Variants in TMEM143 observed in about 807,000 individuals in gnomAD.
TMEM143 encodes the protein transmembrane protein 143.
A neutral mutation model predicts 40.3 loss-of-function variants in TMEM143; 45 were observed. The ratio of observed to expected loss-of-function variants is 1.12; its 90% CI spans 0.88 to 1.43. The LOEUF (loss-of-function observed/expected upper bound fraction) is 1.43, where lower values mean the gene tolerates loss of function less well. TMEM143 is among the 40% of genes most tolerant of loss of function. TMEM143 has a pLI of 0.00. For missense variants in TMEM143, 620 were observed against 613.4 expected (o/e 1.01, Z -0.11); for synonymous variants, 299 against 282.7 (o/e 1.06, Z -0.58).
At chr19:48,343,112 T>C (rs1969542718) in intron 5 of TMEM143, 3 of 731,944 alleles carry the variant, frequency 4.1e-6, no homozygotes, top group South Asian at 3.9e-5. Flanking sequence ...TGGGGAGAAC[T>C]GTCCCCATCC....
intron 6 of TMEM143, among the ~76,000 whole-genome samples, chr19:48,339,875 T>C (rs988496358): frequency 6.6e-6 from 1 of 151,894 alleles, no homozygotes; most frequent in Admixed American, 6.6e-5. Flanking sequence ...ATTTCAGGCA[T>C]GCGCCACCAC....
At chr19:48,363,716 G>T (rs1970124776) in intron 1 of TMEM143, 182 bp downstream of exon 1, 2 of 1,351,556 alleles carry the variant, frequency 1.5e-6, no homozygotes, top group Non-Finnish European at 2.0e-6. Context: ...GTCCCAGACA[G>T]GGGTCAGAGG....
chr19:48,362,601 A>G (rs1396676958), intron 2 of TMEM143, among the ~76,000 whole-genome samples: 1 of 152,172 alleles, frequency 6.6e-6, no homozygotes, highest in African/African-American at 2.4e-5. Context: ...GATGGTGGCA[A>G]TAAGACCTCA....
At chr19:48,357,985 C>G (rs1569037244) in intron 3 of TMEM143, among the ~76,000 whole-genome samples, 1 of 152,040 alleles carries the variant, frequency 6.6e-6, no homozygotes, top group Non-Finnish European at 1.5e-5. Flanking sequence ...GTACACTGCT[C>G]TAGTGATGGG....
At chr19:48,343,076 G>A (rs544885532) in intron 5 of TMEM143, 19 of 680,334 alleles carry the variant, frequency 2.8e-5, no homozygotes, top group Middle Eastern at 4.2e-4. Context: ...CTCCCTCTCC[G>A]AGCCTCAGTT....
chr19:48,334,074 T>G lies in TMEM143; in HGVS notation c.1099A>C (p.Lys367Gln). The change falls in exon 7 of 8, where the codon AAG becomes CAG. Residue 367 changes from lysine to glutamine, a missense_variant. Coordinates refer to ENST00000293261, the MANE Select transcript of TMEM143 (RefSeq NM_018273.4). ...AAGCTGTGAGCCAGCAGCGCCTCCTTGGTGTGCTCGTCCTGCGCGCGCAGG... is the reference window on the plus strand; with the variant it reads ...AAGCTGTGAGCCAGCAGCGCCTCCTGGGTGTGCTCGTCCTGCGCGCGCAGG... Reference protein sequence around the residue: ...LALRAQDEHTKEALLAHSFLA... With the variant: ...LALRAQDEHTQEALLAHSFLA... 1 of 1,586,284 alleles carries G rather than the reference T, an allele frequency of 6.3e-7. No homozygotes were observed. The highest frequency in any genetic ancestry group is 8.6e-7 in the Non-Finnish European group (1 of 1,167,806).
At chr19:48,347,931 G>A (rs1969677205) in intron 3 of TMEM143, among the ~76,000 whole-genome samples, 1 of 149,954 alleles carries the variant, frequency 6.7e-6, no homozygotes, top group Admixed American at 6.7e-5. Context: ...TGAGGTTGGA[G>A]GATAACTTGA....
chr19:48,337,824 C>T (rs908586952), intron 6 of TMEM143, among the ~76,000 whole-genome samples: 7 of 152,260 alleles, frequency 4.6e-5, no homozygotes, highest in Middle Eastern at 3.4e-3. Context: ...TGCATTGGAA[C>T]GAATCGCCAT....
chr19:48,363,152 T>C (rs1970089863), intron 2 of TMEM143, 139 bp downstream of exon 2: 2 of 1,241,156 alleles, frequency 1.6e-6, no homozygotes, highest in Admixed American at 6.0e-5. Flanking sequence ...TCCCGCCCAC[T>C]AGGGAAACAC....
chr19:48,334,079 T>G lies in TMEM143; in HGVS notation c.1094A>C (p.His365Pro). The G allele has an allele frequency of 6.3e-7, 1 of 1,587,476 alleles. No homozygotes were observed. The highest frequency in any genetic ancestry group is 8.6e-7 in the Non-Finnish European group (1 of 1,168,416). The stretch of plus-strand genomic sequence containing the variant: ...GTGAGCCAGCAGCGCCTCCTTGGTG[T>G]GCTCGTCCTGCGCGCGCAGGGCCAG... ...SALALRAQDE[H>P]TKEALLAHSF... Residue 365 changes from histidine (H) to proline (P), a missense_variant, in exon 7 of 8, where the codon CAC becomes CCC. By Grantham distance (77) the His-to-Pro change is moderately conservative. Coordinates refer to ENST00000293261, the MANE Select transcript of TMEM143 (RefSeq NM_018273.4).
intron 3 of TMEM143, 76 bp from the exon 4 acceptor site, chr19:48,345,430 C>T: frequency 1.1e-6 from 1 of 909,076 alleles, no homozygotes. Flanking sequence ...AAGGACATCC[C>T]TCTCCAGATA....
chr19:48,355,607 G>C (rs951057202), intron 3 of TMEM143, among the ~76,000 whole-genome samples: 1 of 152,218 alleles, frequency 6.6e-6, no homozygotes, highest in Admixed American at 6.5e-5. Context: ...GGCCACTGTT[G>C]CTGGGGTTGT....
chr19:48,362,219 G>T (rs1167848740), intron 2 of TMEM143, among the ~76,000 whole-genome samples: 1 of 150,666 alleles, frequency 6.6e-6, no homozygotes, highest in East Asian at 1.9e-4. Context: ...AGTACATACA[G>T]TAGGTGTTCA....
chr19:48,337,276 C>T (rs1004731884), intron 6 of TMEM143, among the ~76,000 whole-genome samples: 5 of 152,006 alleles, frequency 3.3e-5, no homozygotes, highest in African/African-American at 7.2e-5. Context: ...CAGCCGGGCG[C>T]GGTGGCTCAC....
At position 48,333,964 on chromosome 19, in the gene TMEM143, G is replaced by A; in HGVS notation, c.1165+44C>T. The A allele has an allele frequency of 6.8e-7, 1 of 1,472,408 alleles. No homozygotes were observed. Among genetic ancestry groups the A allele is most frequent in the Non-Finnish European group, 9.0e-7 (1 of 1,111,812 alleles). The allele number at this position is 1,472,408 out of a possible 1,614,324, so 91.2% of individuals were successfully genotyped here. Reference sequence around the variant, plus strand: ...GCATCTCGCTGGGGCGGGGCCTCGCGGGGGTGTGGCCCCTGGGGGCAGGGT... The same window carrying A: ...GCATCTCGCTGGGGCGGGGCCTCGCAGGGGTGTGGCCCCTGGGGGCAGGGT... On this transcript the variant is annotated intron_variant, in intron 7 of 7. Coordinates refer to ENST00000293261, the MANE Select transcript of TMEM143 (RefSeq NM_018273.4). This position sits in a 1 kb window ranked among gnomAD's most constrained non-coding sequence, Gnocchi z 4.1.
intron 1 of TMEM143, 159 bp from the exon 2 acceptor site, chr19:48,363,690 T>G: frequency 7.3e-7 from 1 of 1,373,612 alleles, no homozygotes; most frequent in Non-Finnish European, 9.8e-7. Context: ...CTTCCCACAC[T>G]GCTCAGTTGG....
At chr19:48,338,932 G>A (rs1969429525) in intron 6 of TMEM143, among the ~76,000 whole-genome samples, 1 of 152,188 alleles carries the variant, frequency 6.6e-6, no homozygotes, top group Non-Finnish European at 1.5e-5. Context: ...AGAGGAAAGG[G>A]CATTTCAGTC....
rs1231759805 is a variant in TMEM143, at chr19:48,352,246, CA to C, written c.370-6893del. 8.6e-3 allele frequency among the ~76,000 whole-genome samples: 359 copies of C among 41,576 alleles called. 24 individuals carry two copies. Among genetic ancestry groups the C allele is most frequent in the Admixed American group, 0.012 (29 of 2,406 alleles). The allele number at this position is 41,576 out of a possible 152,430, so 27.3% of individuals were successfully genotyped here. On this transcript the variant is annotated intron_variant, in intron 3 of 7. Transcript: ENST00000293261. ...TGGGTGACAGAGTGAGACTCTGTCT[CA>C]AAAAAAAAAAAAAAACACCATATCT...
In TMEM143 at chr19:48,363,292, T is replaced by C. The variant is rs537471184; in HGVS notation, c.263A>G (p.Gln88Arg). Residue 88 changes from glutamine to arginine, a missense_variant and splice_region_variant, in exon 2 of 8, where the codon CAG becomes CGG. Coordinates refer to ENST00000293261, the MANE Select transcript of TMEM143 (RefSeq NM_018273.4). Reference sequence around the variant, plus strand: ...TCTTGGGCCTGGGACAGGCGGTACCTGTATTAGGAGGCGGAGCAGCTGCTC... The same window carrying C: ...TCTTGGGCCTGGGACAGGCGGTACCCGTATTAGGAGGCGGAGCAGCTGCTC... The part of the protein sequence containing the change: ...SKEQLLRLLI[Q>R]EFHSSPAEKA... The C allele has an allele frequency of 3.1e-6, 5 of 1,612,708 alleles. No homozygotes were observed. The highest frequency in any genetic ancestry group is 2.7e-5 in the African/African-American group (2 of 74,848).
Sources: gnomAD v4.1 joint callset for allele counts (sites outside exome capture counted in the v4.1 genomes callset) on GRCh38, gnomAD v4.1.1 for gene constraint, Gnocchi (gnomAD v3.1) non-coding constraint, MANE v1.5 for transcripts, NCBI Gene and HGNC (gene_info 2026-07-23, HGNC 2026-07-21) for gene names.